UNC5D: variants seen among roughly 807,000 people sequenced by gnomAD.
UNC5D encodes unc-5 netrin receptor D, also known as netrin receptor UNC5D.
A neutral mutation model predicts 105.4 loss-of-function variants in UNC5D; 39 were observed. That is an observed-to-expected ratio of 0.37 (90% CI 0.29 to 0.48). The LOEUF is 0.48. Ranked by LOEUF, UNC5D falls within the 20% of genes least tolerant of loss-of-function variation. UNC5D has a pLI of 0.98. For missense variants in UNC5D, 991 were observed against 1,202.4 expected, an observed-to-expected ratio of 0.82 and a Z score of 2.60; for synonymous variants, 452 against 450.4, an observed-to-expected ratio of 1.00 and a Z score of -0.04.
At chr8:35,727,803 G>C (rs1306829557) in intron 10 of UNC5D, 1 of 151,966 alleles carries the variant, frequency 6.6e-6, no homozygotes, top group African/African-American at 2.4e-5. Flanking sequence ...AATTCTTCCA[G>C]TTGATAATTG....
intron 13 of UNC5D, among the ~76,000 whole-genome samples, chr8:35,751,178 T>C (rs902208682): frequency 1.4e-4 from 22 of 152,144 alleles, no homozygotes; most frequent in African/African-American, 5.3e-4. Flanking sequence ...CTAAGCTGTC[T>C]TATTGCACTG....
At chr8:35,570,966 A>C (rs1338854750) in intron 3 of UNC5D, among the ~76,000 whole-genome samples, 1 of 152,074 alleles carries the variant, frequency 6.6e-6, no homozygotes, top group African/African-American at 2.4e-5. Context: ...CAAGAAAGAA[A>C]GAAAGAGAGA....
At chr8:35,536,368 G>C (rs1468498992) in intron 1 of UNC5D, among the ~76,000 whole-genome samples, 3 of 152,128 alleles carry the variant, frequency 2.0e-5, no homozygotes, top group African/African-American at 7.2e-5. Flanking sequence ...TTTCATATAA[G>C]CATCAAAACT....
intron 1 of UNC5D, among the ~76,000 whole-genome samples, chr8:35,504,790 C>T (rs931243569): frequency 4.6e-5 from 7 of 151,992 alleles, no homozygotes; most frequent in Admixed American, 2.6e-4. Context: ...TGCTGAGTTC[C>T]GCATCTGTTC....
At chr8:35,676,870 G>A (rs748637346) in intron 4 of UNC5D, among the ~76,000 whole-genome samples, 1 of 151,868 alleles carries the variant, frequency 6.6e-6, no homozygotes, top group Non-Finnish European at 1.5e-5. Context: ...TTTTGTGGAC[G>A]AGGGGGGCAA....
chr8:35,713,152 T>C (rs1828058910), intron 8 of UNC5D, among the ~76,000 whole-genome samples: 1 of 152,172 alleles, frequency 6.6e-6, no homozygotes, highest in Admixed American at 6.5e-5. Flanking sequence ...TTGCCCTTAA[T>C]GGACATGATG....
At chr8:35,645,665 T>C (rs1239199682) in intron 4 of UNC5D, among the ~76,000 whole-genome samples, 2 of 151,982 alleles carry the variant, frequency 1.3e-5, no homozygotes, top group African/African-American at 2.4e-5. Context: ...TGTAGCATTA[T>C]GCAAAGGTCT....
chr8:35,736,430 A>G (rs1829473106), intron 11 of UNC5D, among the ~76,000 whole-genome samples: 2 of 152,162 alleles, frequency 1.3e-5, no homozygotes, highest in Admixed American at 1.3e-4. Context: ...TAATAACTAG[A>G]TGTTACTGAA....
chr8:35,606,327 A>G (rs1188296340), intron 4 of UNC5D, among the ~76,000 whole-genome samples: 1 of 152,170 alleles, frequency 6.6e-6, no homozygotes, highest in East Asian at 1.9e-4. Flanking sequence ...TGAATGTGGT[A>G]CATCCCGTAC....
At chr8:35,264,514 G>A (rs1389982659) in intron 1 of UNC5D, among the ~76,000 whole-genome samples, 3 of 152,072 alleles carry the variant, frequency 2.0e-5, no homozygotes, top group Non-Finnish European at 4.4e-5. Context: ...GATCACCTGA[G>A]GCCAGGAGTT....
intron 11 of UNC5D, among the ~76,000 whole-genome samples, chr8:35,732,754 A>C (rs1280943368): frequency 6.6e-6 from 1 of 152,148 alleles, no homozygotes; most frequent in Non-Finnish European, 1.5e-5. Context: ...TTGATCCAGT[A>C]AGCCTGTGTT....
At chr8:35,377,082 C>T (rs1319474766) in intron 1 of UNC5D, among the ~76,000 whole-genome samples, 4 of 152,200 alleles carry the variant, frequency 2.6e-5, no homozygotes, top group African/African-American at 4.8e-5. Context: ...CACAAGAGCA[C>T]ACCAGGTGGT....
At chr8:35,391,460 C>G (rs1164306811) in intron 1 of UNC5D, among the ~76,000 whole-genome samples, 3 of 152,200 alleles carry the variant, frequency 2.0e-5, no homozygotes, top group Non-Finnish European at 4.4e-5. Flanking sequence ...ATTTCTATAA[C>G]TCTGTTTTTA....
intron 1 of UNC5D, among the ~76,000 whole-genome samples, chr8:35,282,250 G>A (rs1218710762): frequency 4.6e-5 from 7 of 152,136 alleles, no homozygotes; most frequent in Non-Finnish European, 8.8e-5. Context: ...TCAGCTTGAT[G>A]GCTGCCAGTC....
chr8:35,519,635 C>T (rs531584014), intron 1 of UNC5D, among the ~76,000 whole-genome samples: 1 of 152,130 alleles, frequency 6.6e-6, no homozygotes, highest in East Asian at 1.9e-4. Context: ...ACAAAGTAAA[C>T]AACCTAAATA....
chr8:35,644,550 CA>C, intron 4 of UNC5D, among the ~76,000 whole-genome samples: 1 of 152,104 alleles, frequency 6.6e-6, no homozygotes, highest in African/African-American at 2.4e-5. Context: ...CACAATCTAG[CA>C]CCATTTTGAT....
chr8:35,677,542 T>TTCTC (rs1361789969), intron 4 of UNC5D, among the ~76,000 whole-genome samples: 1 of 152,168 alleles, frequency 6.6e-6, no homozygotes, highest in African/African-American at 2.4e-5. Context: ...GTTTTAAAGT[T>TTCTC]TCTCTAAGTG....
chr8:35,489,376 G>T lies in UNC5D; in HGVS notation c.104-59916G>T, dbSNP rs1189025235. ...TCATATGTTGAAGTTCTAACACCCA[G>T]TGTCTCAGAATGTGATTGTGTTTTC... On this transcript the variant is annotated intron_variant, in intron 1 of 16. Coordinates refer to ENST00000404895, the MANE Select transcript of UNC5D (RefSeq NM_080872.4). Among the ~76,000 whole-genome samples the T allele has an allele frequency of 2.0e-5, 3 of 151,698 alleles. No homozygotes were observed. The East Asian group carries it at 5.8e-4, about 29-fold the overall frequency.
chr8:35,566,389 TG>T (rs1213929425), intron 2 of UNC5D, among the ~76,000 whole-genome samples: 1 of 152,218 alleles, frequency 6.6e-6, no homozygotes, highest in African/African-American at 2.4e-5. Flanking sequence ...TCGAGAGTTC[TG>T]GACTCATTTT....
Sources: gnomAD v4.1 joint callset for allele counts (sites outside exome capture counted in the v4.1 genomes callset) on GRCh38, gnomAD v4.1.1 for gene constraint, MANE v1.5 for transcripts, NCBI Gene and HGNC (gene_info 2026-07-23, HGNC 2026-07-21) for gene names.